TMEM132D: variants seen among roughly 807,000 people sequenced by gnomAD.
TMEM132D encodes the protein mature OL transmembrane protein.
TMEM132D carries 21 observed loss-of-function variants against 62.3 expected under a neutral mutation model. The ratio of observed to expected loss-of-function variants is 0.34; its 90% confidence interval spans 0.24 to 0.49. The LOEUF is 0.49. TMEM132D is among the 20% of genes least tolerant of loss of function. The pLI is 0.99. For synonymous variants in TMEM132D, 621 were observed against 575.6 expected (o/e 1.08, Z -1.13); for missense variants, 1,346 against 1,402.8 (o/e 0.96, Z 0.65).
rs151229956 is a variant in TMEM132D at position 129,741,493 on chromosome 12, C to T, written c.80-40795G>A. On this transcript the variant is annotated intron_variant, in intron 1 of 8. Coordinates refer to ENST00000422113, the MANE Select transcript of TMEM132D (RefSeq NM_133448.3). ...AAAAAGAGGAGTAGCAGGAAAATAA[C>T]AGGGTCTTGAGAGACTCTGAAAGAA... 9.7e-4 allele frequency among the ~76,000 whole-genome samples: 148 copies of T among 152,276 alleles called. 1 individual carries two copies. Among genetic ancestry groups the T allele is most frequent in the African/African-American group, 3.4e-3 (141 of 41,554 alleles).
At chr12:129,128,627 C>A (rs1227609067) in intron 5 of TMEM132D, among the ~76,000 whole-genome samples, 1 of 152,148 alleles carries the variant, frequency 6.6e-6, no homozygotes, top group South Asian at 2.1e-4. Context: ...ACCATACCAA[C>A]GGGATACATG....
intron 1 of TMEM132D, among the ~76,000 whole-genome samples, chr12:129,776,615 T>C (rs1228846029): frequency 1.3e-5 from 2 of 151,810 alleles, no homozygotes; most frequent in Non-Finnish European, 2.9e-5. Flanking sequence ...AATTGCTTAA[T>C]CCATTTTTTT....
chr12:129,717,594 A>T (rs956010918), intron 1 of TMEM132D, among the ~76,000 whole-genome samples: 2 of 150,400 alleles, frequency 1.3e-5, no homozygotes, highest in African/African-American at 4.8e-5. Flanking sequence ...GGAAACACAG[A>T]ATATGGGAAA....
chr12:129,562,734 C>T (rs1877269417), intron 2 of TMEM132D, among the ~76,000 whole-genome samples: 1 of 152,178 alleles, frequency 6.6e-6, no homozygotes, highest in Non-Finnish European at 1.5e-5. Context: ...CCCCAAATCA[C>T]CCATGCCCTC....
chr12:129,583,513 A>T (rs1877937095), intron 2 of TMEM132D, among the ~76,000 whole-genome samples: 1 of 152,218 alleles, frequency 6.6e-6, no homozygotes, highest in African/African-American at 2.4e-5. Context: ...GAATTTTAAA[A>T]TGGTAGTTTG....
chr12:129,675,293 T>C (rs1226574734), intron 2 of TMEM132D, among the ~76,000 whole-genome samples: 1 of 151,772 alleles, frequency 6.6e-6, no homozygotes, highest in African/African-American at 2.4e-5. Context: ...ATACACCACA[T>C]GTTCTCACTC....
At chr12:129,711,138 G>T (rs548821178) in intron 1 of TMEM132D, among the ~76,000 whole-genome samples, 14 of 152,120 alleles carry the variant, frequency 9.2e-5, no homozygotes, top group Non-Finnish European at 1.8e-4. Flanking sequence ...GAAATGTAAC[G>T]CTTCATTGGC....
intron 1 of TMEM132D, among the ~76,000 whole-genome samples, chr12:129,789,463 A>G (rs975683127): frequency 1.3e-5 from 2 of 152,258 alleles, no homozygotes; most frequent in Non-Finnish European, 2.9e-5. Context: ...TTGCAAAAAT[A>G]TGGAACCAAC....
intron 2 of TMEM132D, among the ~76,000 whole-genome samples, chr12:129,588,198 T>C (rs1878084574): frequency 1.3e-5 from 2 of 152,258 alleles, no homozygotes; most frequent in South Asian, 4.1e-4. Flanking sequence ...ATTCGCTTAA[T>C]TCCATATTCA....
intron 5 of TMEM132D, among the ~76,000 whole-genome samples, chr12:129,165,407 TAGAC>T (rs1877514569): frequency 6.6e-6 from 1 of 152,156 alleles, no homozygotes; most frequent in Non-Finnish European, 1.5e-5. Context: ...TACGTAATGA[TAGAC>T]AAACAAGTGT....
chr12:129,902,346 C>T lies in TMEM132D; in HGVS notation c.79+915G>A, dbSNP rs1875387463. On this transcript the variant is annotated intron_variant, in intron 1 of 8. Coordinates refer to ENST00000422113, the MANE Select transcript of TMEM132D (RefSeq NM_133448.3). ...TATTAGAGACTGCTGAGACGCTTCA[C>T]TCTCCTCCCAGTGTATCTATCTGCA... Among the ~76,000 whole-genome samples, 4 of 152,194 alleles carry T rather than the reference C, an allele frequency of 2.6e-5. No individual in the cohort carries two copies. In the South Asian group the frequency reaches 8.3e-4, roughly 31 times the overall value.
intron 4 of TMEM132D, among the ~76,000 whole-genome samples, chr12:129,303,691 GAGA>G (rs1251087855): frequency 1.3e-5 from 2 of 152,110 alleles, no homozygotes; most frequent in Non-Finnish European, 2.9e-5. Context: ...AGATGTGTAC[GAGA>G]AGATTTGTTA....
intron 4 of TMEM132D, among the ~76,000 whole-genome samples, chr12:129,318,807 A>G (rs149957780): frequency 3.2e-4 from 49 of 151,906 alleles, no homozygotes; most frequent in African/African-American, 6.0e-4. Context: ...TGCTGCTGCT[A>G]TGGGGGATGG....
intron 2 of TMEM132D, among the ~76,000 whole-genome samples, chr12:129,556,685 C>A (rs959849843): frequency 6.6e-6 from 1 of 152,082 alleles, no homozygotes; most frequent in Non-Finnish European, 1.5e-5. Flanking sequence ...ATCCAATGTC[C>A]AAAACGATAG....
intron 1 of TMEM132D, among the ~76,000 whole-genome samples, chr12:129,901,542 T>C (rs994979159): frequency 6.6e-6 from 1 of 152,248 alleles, no homozygotes; most frequent in Non-Finnish European, 1.5e-5. Flanking sequence ...ATATGTCATA[T>C]GCTAGGCTTA....
intron 3 of TMEM132D, among the ~76,000 whole-genome samples, chr12:129,461,307 C>G (rs1398049688): frequency 2.6e-5 from 4 of 152,072 alleles, no homozygotes; most frequent in Admixed American, 2.6e-4. Context: ...GAACCAAGCC[C>G]AGGTATACAA....
chr12:129,184,256 C>T (rs1878157781), intron 5 of TMEM132D, among the ~76,000 whole-genome samples: 1 of 152,314 alleles, frequency 6.6e-6, no homozygotes, highest in South Asian at 2.1e-4. Flanking sequence ...CTTACTCATG[C>T]TCTCACTGTC....
At chr12:129,100,679 A>C (rs947166303) in intron 5 of TMEM132D, among the ~76,000 whole-genome samples, 4 of 152,248 alleles carry the variant, frequency 2.6e-5, no homozygotes, top group Admixed American at 2.6e-4. Flanking sequence ...CATGTCTTAC[A>C]GATGAGGCAG....
intron 2 of TMEM132D, among the ~76,000 whole-genome samples, chr12:129,535,375 C>G (rs1876352621): frequency 6.6e-6 from 1 of 152,178 alleles, no homozygotes; most frequent in Non-Finnish European, 1.5e-5. Context: ...CACTGTGACC[C>G]TGTCACTATA....
Sources: gnomAD v4.1 joint callset for allele counts (sites outside exome capture counted in the v4.1 genomes callset) on GRCh38, gnomAD v4.1.1 for gene constraint, MANE v1.5 for transcripts, NCBI Gene and HGNC (gene_info 2026-07-23, HGNC 2026-07-21) for gene names.